Variants in WWOX observed in about 807,000 individuals in gnomAD.
The protein encoded by WWOX is WW domain containing oxidoreductase.
In WWOX, 69 loss-of-function variants were observed where a neutral mutation model predicts 46.2. The ratio of observed to expected loss-of-function variants is 1.49; its 90% confidence interval spans 1.23 to 1.82. WWOX has a LOEUF of 1.82. Ranked by LOEUF, WWOX falls within the 40% of genes most tolerant of loss-of-function variation. WWOX has a pLI of 0.00. For synonymous variants in WWOX, 359 were observed against 202.6 expected (o/e 1.77, Z -6.56); for missense variants, 919 against 542.6 (o/e 1.69, Z -6.89).
In WWOX at chr16:78,224,693, A is replaced by G. The variant is rs576469042; in HGVS notation, c.516+60404A>G. On this transcript the variant is annotated intron_variant, in intron 5 of 8. Transcript: ENST00000566780. The stretch of plus-strand genomic sequence containing the variant: ...GCTTGGAAGTGCTGGTTCCAAGAAT[A>G]AGATAAGGCTTTGAGATTAATTGCC... 8.8e-4 allele frequency among the ~76,000 whole-genome samples: 134 copies of G among 152,350 alleles called. 1 individual carries two copies. The highest frequency in any genetic ancestry group is 2.9e-3 in the African/African-American group (119 of 41,568).
chr16:78,110,642 C>T (rs983712757), intron 3 of WWOX, among the ~76,000 whole-genome samples: 5 of 152,148 alleles, frequency 3.3e-5, no homozygotes, highest in African/African-American at 1.2e-4. Context: ...ATTCCGGTAT[C>T]ACGCAGCAAT....
intron 5 of WWOX, among the ~76,000 whole-genome samples, chr16:78,249,211 A>T (rs1042537729): frequency 2.0e-4 from 30 of 152,158 alleles, no homozygotes; most frequent in Non-Finnish European, 1.5e-5. Flanking sequence ...TCCCAAGCTC[A>T]TGGAGTGGTG....
At chr16:78,403,729 T>C (rs1317595079) in intron 6 of WWOX, among the ~76,000 whole-genome samples, 2 of 152,234 alleles carry the variant, frequency 1.3e-5, no homozygotes, top group African/African-American at 2.4e-5. Flanking sequence ...AAGGAAAGCA[T>C]AGTCAAAGAC....
chr16:78,681,425 A>T (rs555536302), intron 8 of WWOX, among the ~76,000 whole-genome samples: 1 of 151,666 alleles, frequency 6.6e-6, no homozygotes, highest in Non-Finnish European at 1.5e-5. Context: ...ACAAAGGTCA[A>T]TTTTTTTTCC....
At chr16:79,143,059 A>G (rs1025934884) in intron 8 of WWOX, among the ~76,000 whole-genome samples, 4 of 152,288 alleles carry the variant, frequency 2.6e-5, no homozygotes, top group Admixed American at 2.6e-4. Flanking sequence ...AATAAAGGAA[A>G]GAGAACGCTC....
chr16:78,794,626 C>T (rs1009850598), intron 8 of WWOX, among the ~76,000 whole-genome samples: 1 of 152,368 alleles, frequency 6.6e-6, no homozygotes, highest in African/African-American at 2.4e-5. Flanking sequence ...GTGGTCAGCA[C>T]AATGGCTGAC....
intron 8 of WWOX, among the ~76,000 whole-genome samples, chr16:78,937,580 C>G (rs948155989): frequency 1.1e-4 from 16 of 149,252 alleles, no homozygotes; most frequent in African/African-American, 3.9e-4. Flanking sequence ...CAGGCATCTG[C>G]CACCGTGCCC....
At chr16:78,355,582 G>A (rs1283919911) in intron 5 of WWOX, 25 of 492,660 alleles carry the variant, frequency 5.1e-5, no homozygotes, top group Non-Finnish European at 1.0e-4. Flanking sequence ...AGGATCCCCT[G>A]GATCTTAGGC....
intron 5 of WWOX, among the ~76,000 whole-genome samples, chr16:78,233,667 C>T (rs915009274): frequency 2.0e-5 from 3 of 151,882 alleles, no homozygotes; most frequent in African/African-American, 4.8e-5. Context: ...GCTGGGACTA[C>T]AGGCGCCTGC....
rs192830871 is a variant in WWOX, at chr16:78,347,408, G to A, written c.517-39452G>A. On this transcript the variant is annotated intron_variant, in intron 5 of 8. Transcript: ENST00000566780. ...CCATGGTGTTGGTCCCAGGTTATTC[G>A]CACCTCATATGTCTTTGGCACAGCA... 3.4e-3 allele frequency among the ~76,000 whole-genome samples: 399 copies of A among 117,272 alleles called. 125 individuals are homozygous for A. The Middle Eastern group carries it at 0.049, about 14-fold the overall frequency. 76.9% of individuals were successfully genotyped at this position (117,272 alleles called of 152,430 possible). A position where few individuals can be genotyped will look rare whatever the true frequency, so the allele number is the denominator to read the frequency against.
intron 8 of WWOX, among the ~76,000 whole-genome samples, chr16:79,209,119 C>G (rs1226122272): frequency 6.6e-6 from 1 of 152,268 alleles, no homozygotes; most frequent in African/African-American, 2.4e-5. Flanking sequence ...GCAAAGGAAT[C>G]AAAGCCATCT....
intron 8 of WWOX, among the ~76,000 whole-genome samples, chr16:79,164,259 A>C (rs989223374): frequency 6.6e-6 from 1 of 152,172 alleles, no homozygotes; most frequent in African/African-American, 2.4e-5. Context: ...CTACCACGCC[A>C]CTTAGCTCAG....
At chr16:78,375,623 G>C (rs1374233368) in intron 5 of WWOX, among the ~76,000 whole-genome samples, 1 of 152,084 alleles carries the variant, frequency 6.6e-6, no homozygotes, top group Non-Finnish European at 1.5e-5. Context: ...ATGGAAATTG[G>C]TATAACCTTT....
chr16:79,011,170 C>T (rs1180634423), intron 8 of WWOX, among the ~76,000 whole-genome samples: 1 of 141,414 alleles, frequency 7.1e-6, no homozygotes, highest in Non-Finnish European at 1.5e-5. Context: ...CACACACACA[C>T]ACACTTTTTT....
intron 5 of WWOX, among the ~76,000 whole-genome samples, chr16:78,381,138 C>T (rs1016642053): frequency 6.6e-6 from 1 of 152,276 alleles, no homozygotes; most frequent in East Asian, 1.9e-4. Context: ...CAATATCTCC[C>T]CATTTCTCTG....
intron 8 of WWOX, among the ~76,000 whole-genome samples, chr16:78,833,462 C>G (rs923248102): frequency 6.6e-6 from 1 of 152,116 alleles, no homozygotes; most frequent in African/African-American, 2.4e-5. Flanking sequence ...GCTTTCTATT[C>G]TCCTTCCTCA....
chr16:79,037,853 C>T (rs1057270668), intron 8 of WWOX, among the ~76,000 whole-genome samples: 2 of 152,110 alleles, frequency 1.3e-5, no homozygotes, highest in African/African-American at 2.4e-5. Context: ...CAGCTCCTGC[C>T]TGCTCTCTGG....
chr16:79,139,649 A>G (rs1017079350), intron 8 of WWOX, among the ~76,000 whole-genome samples: 2 of 151,338 alleles, frequency 1.3e-5, no homozygotes, highest in African/African-American at 4.9e-5. Context: ...AAGCAGGCCG[A>G]TCTTGTTGAA....
chr16:78,305,671 G>C (rs1299326214), intron 5 of WWOX, among the ~76,000 whole-genome samples: 1 of 151,832 alleles, frequency 6.6e-6, no homozygotes, highest in Non-Finnish European at 1.5e-5. Context: ...TTCTTGTTTT[G>C]GTAATGATTT....
Sources: gnomAD v4.1 joint callset for allele counts (sites outside exome capture counted in the v4.1 genomes callset) on GRCh38, gnomAD v4.1.1 for gene constraint, MANE v1.5 for transcripts, NCBI Gene and HGNC (gene_info 2026-07-23, HGNC 2026-07-21) for gene names.